The following CNBD1 variants were observed in gnomAD, a reference collection of about 807,000 sequenced individuals.
CNBD1 encodes the protein cyclic nucleotide-binding domain-containing protein 1.
A neutral mutation model predicts 54.4 loss-of-function variants in CNBD1; 71 were observed. The observed-to-expected ratio is 1.30, with a 90% CI of 1.08 to 1.59. The LOEUF is 1.59. Ranked by LOEUF, CNBD1 falls within the 40% of genes most tolerant of loss-of-function variation. The probability of loss-of-function intolerance (pLI) is 0.00; values close to 1 mark genes in which losing one functional copy is unlikely to be tolerated. For synonymous variants in CNBD1, 182 were observed against 170.7 expected, an observed-to-expected ratio of 1.07 and a Z score of -0.51; for missense variants, 659 against 518.0, an observed-to-expected ratio of 1.27 and a Z score of -2.64.
At chr8:87,196,793 A>G (rs1813731415) in intron 4 of CNBD1, among the ~76,000 whole-genome samples, 1 of 152,182 alleles carries the variant, frequency 6.6e-6, no homozygotes, top group Admixed American at 6.5e-5. Context: ...CGACAACCTG[A>G]AATTATTTTG....
intron 4 of CNBD1, among the ~76,000 whole-genome samples, chr8:86,963,825 A>G (rs1274930833): frequency 6.6e-6 from 1 of 152,152 alleles, no homozygotes; most frequent in African/African-American, 2.4e-5. Context: ...CTGAACCACC[A>G]GAGTCAACGA....
At chr8:86,915,705 T>C (rs377366140) in intron 3 of CNBD1, among the ~76,000 whole-genome samples, 1 of 152,202 alleles carries the variant, frequency 6.6e-6, no homozygotes, top group African/African-American at 2.4e-5. Context: ...AAGAACTCTT[T>C]GGAAATTCAG....
rs542446845 is a variant in CNBD1, at chr8:87,191,901, C to T, written c.432-14092C>T. Reference sequence around the variant, plus strand: ...ATCTGTGGAAAACCTTTCTAAATCTCCTAGCGCATATATGAAAGAAATTCA... The same window carrying T: ...ATCTGTGGAAAACCTTTCTAAATCTTCTAGCGCATATATGAAAGAAATTCA... On this transcript the variant is annotated intron_variant, in intron 4 of 10. Coordinates refer to ENST00000518476, the MANE Select transcript of CNBD1 (RefSeq NM_173538.3). Among the ~76,000 whole-genome samples the T allele has an allele frequency of 4.6e-5, 7 of 152,132 alleles. No individual in the cohort carries two copies. In the South Asian group the frequency reaches 1.2e-3, roughly 27 times the overall value.
chr8:87,198,605 A>G (rs1813772439), intron 4 of CNBD1, among the ~76,000 whole-genome samples: 1 of 152,222 alleles, frequency 6.6e-6, no homozygotes, highest in Admixed American at 6.5e-5. Context: ...ACCATGTCCA[A>G]AGAGTTCAAG....
chr8:87,318,987 A>G (rs1207721110), intron 8 of CNBD1, among the ~76,000 whole-genome samples: 1 of 152,148 alleles, frequency 6.6e-6, no homozygotes, highest in African/African-American at 2.4e-5. Flanking sequence ...ACTTGGAGCA[A>G]GAAATTTTTA....
chr8:87,397,286 A>G (rs1367629865), intron 2 of CNBD1, among the ~76,000 whole-genome samples: 3 of 151,906 alleles, frequency 2.0e-5, no homozygotes, highest in East Asian at 3.9e-4. Flanking sequence ...ATGACTAGAA[A>G]TGTTTGTATC....
intron 8 of CNBD1, among the ~76,000 whole-genome samples, chr8:87,296,283 A>G (rs1808873912): frequency 6.6e-6 from 1 of 152,218 alleles, no homozygotes. Flanking sequence ...CTTTGGCAAT[A>G]CATACTTTTG....
At chr8:87,013,611 CTTTGT>C (rs1315279285) in intron 4 of CNBD1, among the ~76,000 whole-genome samples, 1 of 143,556 alleles carries the variant, frequency 7.0e-6, no homozygotes, top group Admixed American at 6.9e-5. Flanking sequence ...GTTTTTTTTT[CTTTGT>C]TTTGTTTTGT....
At chr8:87,185,555 T>A (rs895841851) in intron 4 of CNBD1, among the ~76,000 whole-genome samples, 5 of 152,216 alleles carry the variant, frequency 3.3e-5, no homozygotes, top group Non-Finnish European at 7.3e-5. Flanking sequence ...GCACATTTTT[T>A]TCCTAATGCA....
intron 9 of CNBD1, among the ~76,000 whole-genome samples, chr8:87,352,696 C>A (rs1180627946): frequency 6.6e-6 from 1 of 152,046 alleles, no homozygotes; most frequent in Non-Finnish European, 1.5e-5. Flanking sequence ...TATATAATTC[C>A]ATTTTTATGA....
At chr8:86,990,335 A>T (rs1808718111) in intron 4 of CNBD1, among the ~76,000 whole-genome samples, 1 of 152,260 alleles carries the variant, frequency 6.6e-6, no homozygotes, top group African/African-American at 2.4e-5. Context: ...TTATGTTCTT[A>T]GATTTAAATC....
chr8:87,371,720 G>C (rs1810806453), intron 10 of CNBD1, among the ~76,000 whole-genome samples: 1 of 151,938 alleles, frequency 6.6e-6, no homozygotes, highest in South Asian at 2.1e-4. Flanking sequence ...CGTATAAACA[G>C]AACCAAAGAC....
intron 4 of CNBD1, among the ~76,000 whole-genome samples, chr8:86,944,926 C>G (rs930187048): frequency 6.6e-6 from 1 of 152,132 alleles, no homozygotes; most frequent in African/African-American, 2.4e-5. Context: ...GATTTTCTCT[C>G]TCTTTTTAAG....
intron 8 of CNBD1, among the ~76,000 whole-genome samples, chr8:87,345,308 T>G (rs1361640340): frequency 1.3e-5 from 2 of 152,190 alleles, no homozygotes; most frequent in Non-Finnish European, 2.9e-5. Flanking sequence ...TGGAACTTGG[T>G]AATCATACAA....
chr8:87,391,940 CAA>C (rs930297503), intron 2 of CNBD1, among the ~76,000 whole-genome samples: 11 of 151,922 alleles, frequency 7.2e-5, no homozygotes, highest in Non-Finnish European at 1.6e-4. Flanking sequence ...ATTTCTATGA[CAA>C]AGACTTTATA....
chr8:87,123,944 G>C (rs1365755153), intron 4 of CNBD1, among the ~76,000 whole-genome samples: 1 of 151,520 alleles, frequency 6.6e-6, no homozygotes, highest in Non-Finnish European at 1.5e-5. Context: ...TGAAGAAATA[G>C]AAAATCTGAG....
At chr8:86,913,822 A>G (rs1809142271) in intron 3 of CNBD1, among the ~76,000 whole-genome samples, 1 of 152,178 alleles carries the variant, frequency 6.6e-6, no homozygotes, top group Non-Finnish European at 1.5e-5. Context: ...GGGGTGCTGC[A>G]GGAGACTAGG....
intron 2 of CNBD1, among the ~76,000 whole-genome samples, chr8:87,410,791 C>A (rs1049922531): frequency 6.6e-5 from 10 of 152,012 alleles, no homozygotes; most frequent in Admixed American, 6.6e-4. Flanking sequence ...GCATTGTTGT[C>A]GTATTTTGAG....
intron 10 of CNBD1, among the ~76,000 whole-genome samples, chr8:87,373,588 A>G (rs192549302): frequency 6.6e-6 from 1 of 151,966 alleles, no homozygotes; most frequent in Non-Finnish European, 1.5e-5. Context: ...TGTAGGTTGT[A>G]TATCTTCATT....
Sources: allele counts gnomAD v4.1 joint callset (sites outside exome capture counted in the v4.1 genomes callset), GRCh38; gene constraint gnomAD v4.1.1; transcripts MANE v1.5; gene names NCBI Gene and HGNC (gene_info 2026-07-23, HGNC 2026-07-21).